ELOVL2: variants seen among roughly 807,000 people sequenced by gnomAD.
The protein encoded by ELOVL2 is ELOVL fatty acid elongase 2, also known as very long chain fatty acid elongase 2.
A neutral mutation model predicts 37.7 loss-of-function variants in ELOVL2; 38 were observed. That is an observed-to-expected ratio of 1.01 (90% CI 0.78 to 1.32). The LOEUF is 1.32. Ranked by LOEUF, ELOVL2 falls within the 40% of genes most tolerant of loss-of-function variation. The pLI, the probability that ELOVL2 is intolerant of heterozygous loss-of-function variation, is 0.00. For synonymous variants in ELOVL2, 115 were observed against 122.3 expected, an observed-to-expected ratio of 0.94 and a Z score of 0.40; for missense variants, 352 against 363.6, an observed-to-expected ratio of 0.97 and a Z score of 0.26.
chr6:11,010,642 C>T, intron 2 of ELOVL2, 104 bp downstream of exon 2: 1 of 912,534 alleles, frequency 1.1e-6, no homozygotes, highest in Non-Finnish European at 1.8e-6. Context: ...ATATTAAGTA[C>T]CTTACTATTT....
At chr6:11,026,359 G>A (rs1431280890) in intron 1 of ELOVL2, among the ~76,000 whole-genome samples, 1 of 152,166 alleles carries the variant, frequency 6.6e-6, no homozygotes, top group East Asian at 1.9e-4. Context: ...AATAGCCATG[G>A]TTGAAAATGC....
intron 6 of ELOVL2, 99 bp downstream of exon 6, chr6:10,990,219 C>G: frequency 6.8e-7 from 1 of 1,476,198 alleles, no homozygotes; most frequent in Admixed American, 2.4e-5. Context: ...AAATGGGCAG[C>G]CTCATCACAC....
At chr6:11,037,403 C>T (rs1783027731) in intron 1 of ELOVL2, among the ~76,000 whole-genome samples, 3 of 152,044 alleles carry the variant, frequency 2.0e-5, no homozygotes, top group Admixed American at 1.3e-4. Context: ...TGCTTAGTCA[C>T]GTGGAAAATT....
At chr6:11,009,933 A>G (rs2113521179) in intron 2 of ELOVL2, among the ~76,000 whole-genome samples, 1 of 152,196 alleles carries the variant, frequency 6.6e-6, no homozygotes, top group African/African-American at 2.4e-5. Context: ...AGGCCACTGC[A>G]GTACAGTAAG....
chr6:11,036,532 G>A (rs896496745), intron 1 of ELOVL2, among the ~76,000 whole-genome samples: 1 of 152,146 alleles, frequency 6.6e-6, no homozygotes, highest in Non-Finnish European at 1.5e-5. Context: ...GTACCATTTC[G>A]ACTGCGTTGC....
chr6:11,040,887 C>T (rs1783089737), intron 1 of ELOVL2, among the ~76,000 whole-genome samples: 1 of 152,104 alleles, frequency 6.6e-6, no homozygotes, highest in African/African-American at 2.4e-5. Context: ...GGATTCAAGC[C>T]CACGAATGAC....
chr6:11,006,859 A>G (rs6938171), intron 2 of ELOVL2, among the ~76,000 whole-genome samples: 2,215 of 152,110 alleles, frequency 0.015, 21 homozygotes, highest in Non-Finnish European at 0.022. Context: ...TCTGAACCCT[A>G]CTCATCTTTT....
chr6:10,989,501 C>T (rs1244505629), intron 7 of ELOVL2, among the ~76,000 whole-genome samples: 1 of 151,992 alleles, frequency 6.6e-6, no homozygotes, highest in African/African-American at 2.4e-5. Flanking sequence ...AAAAATACAA[C>T]AATTAGCCGG....
At position 10,995,191 on chromosome 6, in the gene ELOVL2, G is replaced by T. The variant is rs1213544301; in HGVS notation, c.334-13C>A. 1 of 1,583,992 alleles carries T rather than the reference G, an allele frequency of 6.3e-7. No individual in the cohort carries two copies. The highest frequency in any genetic ancestry group is 8.6e-7 in the Non-Finnish European group (1 of 1,161,754). ...GCACCTTGGCTACCTATAGAAATTT[G>T]TAAAGGGGAGAAAAGGGTGAGAAAT... On this transcript the variant is annotated splice_polypyrimidine_tract_variant and intron_variant, in intron 4 of 7. Transcript: ENST00000354666.
chr6:11,027,613 A>G (rs1782858211), intron 1 of ELOVL2, among the ~76,000 whole-genome samples: 1 of 152,152 alleles, frequency 6.6e-6, no homozygotes, highest in Admixed American at 6.5e-5. Flanking sequence ...GAGTTACACA[A>G]AACTAGTATT....
intron 2 of ELOVL2, among the ~76,000 whole-genome samples, chr6:11,006,666 C>A (rs1033346891): frequency 4.6e-5 from 7 of 152,228 alleles, no homozygotes; most frequent in African/African-American, 2.4e-5. Flanking sequence ...CAAGTGCCTT[C>A]TGAAGCTCTG....
rs547206935 is a variant in ELOVL2, at chr6:11,035,003, CTAAATAAATAAA to C, written c.3+9213_3+9224del. Among the ~76,000 whole-genome samples the C allele has an allele frequency of 9.2e-5, 14 of 151,974 alleles. No individual in the cohort carries two copies. The South Asian group carries it at 2.7e-3, about 29-fold the overall frequency. On this transcript the variant is annotated intron_variant, in intron 1 of 7. Transcript: ENST00000354666. Reference sequence around the variant, plus strand: ...GGGTGACAAAGCAAGACTCTTGTCTCTAAATAAATAAATAAATAAATAAAATAATAATTAAAA... The same window carrying C: ...GGGTGACAAAGCAAGACTCTTGTCTCTAAATAAATAAAATAATAATTAAAA...
At chr6:11,016,603 A>C (rs760527311) in intron 1 of ELOVL2, among the ~76,000 whole-genome samples, 3 of 152,192 alleles carry the variant, frequency 2.0e-5, no homozygotes, top group Non-Finnish European at 2.9e-5. Context: ...AGCTGTACAG[A>C]ACTGAGAGAA....
intron 1 of ELOVL2, among the ~76,000 whole-genome samples, chr6:11,039,896 G>A (rs894486667): frequency 6.6e-6 from 1 of 152,138 alleles, no homozygotes; most frequent in Non-Finnish European, 1.5e-5. Flanking sequence ...ATGAAAAAGG[G>A]CTGAGGAAGG....
intron 1 of ELOVL2, among the ~76,000 whole-genome samples, chr6:11,019,520 A>G (rs1400398330): frequency 6.6e-6 from 1 of 152,112 alleles, no homozygotes; most frequent in East Asian, 1.9e-4. Context: ...TTTGATTTAG[A>G]GAAATAAATT....
intron 5 of ELOVL2, 36 bp downstream of exon 5, chr6:10,994,971 A>G (rs1313732313): frequency 5.9e-6 from 9 of 1,520,016 alleles, no homozygotes; most frequent in East Asian, 2.3e-5. Context: ...TCTAAGAGCC[A>G]TTCCTCAAAA....
At chr6:11,012,882 TACAC>T (rs1462959974) in intron 1 of ELOVL2, among the ~76,000 whole-genome samples, 1 of 152,146 alleles carries the variant, frequency 6.6e-6, no homozygotes, top group Non-Finnish European at 1.5e-5. Flanking sequence ...GAGAGAGTAA[TACAC>T]AAATAAATAA....
chr6:11,005,620 A>G, intron 2 of ELOVL2, 61 bp from the exon 3 acceptor site: 2 of 1,374,190 alleles, frequency 1.5e-6, no homozygotes, highest in Non-Finnish European at 2.0e-6. Flanking sequence ...AGTCATCAGT[A>G]TTGTCACATA....
Position 10,987,535 on chromosome 6 carries a change from T to C in ELOVL2, c.765+2168A>G, listed in dbSNP as rs146952037. 7.8e-3 allele frequency among the ~76,000 whole-genome samples: 1,182 copies of C among 152,322 alleles called. 18 individuals carry two copies. Among genetic ancestry groups the C allele is most frequent in the African/African-American group, 0.027 (1,122 of 41,566 alleles). On this transcript the variant is annotated intron_variant, in intron 7 of 7. Transcript: ENST00000354666. The stretch of plus-strand genomic sequence containing the variant: ...ACTGCTTTGAATGTGTCCCAAAGAT[T>C]CTGGTATGTTGTATCTTTGTTCTTA...
Sources: allele counts gnomAD v4.1 joint callset (sites outside exome capture counted in the v4.1 genomes callset), GRCh38; gene constraint gnomAD v4.1.1; transcripts MANE v1.5; gene names NCBI Gene and HGNC (gene_info 2026-07-23, HGNC 2026-07-21).